Variants in ADIPOR1 observed in about 807,000 individuals in gnomAD.
ADIPOR1 encodes the protein adiponectin receptor protein 1.
In ADIPOR1, 15 loss-of-function variants were observed where a neutral mutation model predicts 37.5. The ratio of observed to expected loss-of-function variants is 0.40; its 90% CI spans 0.27 to 0.62. The LOEUF (loss-of-function observed/expected upper bound fraction) is 0.62. Among genes scored for constraint, ADIPOR1 ranks in the 20% least tolerant of loss-of-function variants. The pLI is 0.42. For synonymous variants in ADIPOR1, 173 were observed against 173.2 expected, an observed-to-expected ratio of 1.00 and a Z score of 0.01; for missense variants, 286 against 478.0, an observed-to-expected ratio of 0.60 and a Z score of 3.75.
At chr1:202,958,439 C>CGCCCTGCT (rs1423847149), upstream of ADIPOR1, 1 of 154,074 alleles carries the variant, frequency 6.5e-6, no homozygotes, top group African/African-American at 2.4e-5. Context: ...CCCCGGGCCC[C>CGCCCTGCT]GCCCTGCTGC....
At chr1:202,941,996 C>A (rs1397035690) in intron 7 of ADIPOR1, 29 bp downstream of exon 7, 1 of 1,592,490 alleles carries the variant, frequency 6.3e-7, no homozygotes, top group Non-Finnish European at 8.6e-7. Context: ...CTCACCATCA[C>A]AGGACCTGCT....
At chr1:202,947,144 A>G (rs1654363293) in intron 3 of ADIPOR1, among the ~76,000 whole-genome samples, 1 of 152,068 alleles carries the variant, frequency 6.6e-6, no homozygotes, top group Admixed American at 6.6e-5. Flanking sequence ...AAAAACAAAC[A>G]AACAAAAAAT....
chr1:202,941,472 T>G lies in ADIPOR1; in HGVS notation c.*101A>C. The stretch of plus-strand genomic sequence containing the variant: ...GGTACTGAATTCTCTAAGAGGTTTC[T>G]TCTAGAAACAGACAACTCAGACTCT... On this transcript the variant is annotated 3_prime_UTR_variant, in exon 8 of 8. Transcript: ENST00000340990. The G allele has an allele frequency of 6.9e-7, 1 of 1,440,342 alleles. No homozygotes were observed. The highest frequency in any genetic ancestry group is 9.3e-7 in the Non-Finnish European group (1 of 1,076,210). 89.2% of individuals were successfully genotyped at this position (1,440,342 alleles called of 1,614,324 possible). A position where few individuals can be genotyped will look rare whatever the true frequency, so the allele number is the denominator to read the frequency against.
intron 1 of ADIPOR1, among the ~76,000 whole-genome samples, chr1:202,952,800 T>C (rs1654631313): frequency 6.6e-6 from 1 of 152,216 alleles, no homozygotes; most frequent in African/African-American, 2.4e-5. Context: ...TCTCTATCCA[T>C]ATGTATGTAT....
intron 6 of ADIPOR1, 36 bp from the exon 7 acceptor site, chr1:202,942,254 A>C: frequency 6.4e-7 from 1 of 1,556,742 alleles, no homozygotes; most frequent in Non-Finnish European, 8.7e-7. Flanking sequence ...CAAACAAGGA[A>C]ACAGCCACCG....
At position 202,941,128 on chromosome 1, in the gene ADIPOR1, T is replaced by C. The variant is rs1013811804; in HGVS notation, c.*445A>G. The C allele has an allele frequency of 2.0e-5, 3 of 153,370 alleles. No individual in the cohort carries two copies. Among genetic ancestry groups the C allele is most frequent in the African/African-American group, 7.2e-5 (3 of 41,448 alleles). The allele number at this position is 153,370 out of a possible 1,614,324, so 9.5% of individuals were successfully genotyped here. Reference sequence around the variant, plus strand: ...AGATGGGACCAGGGTATATAATTGTTTTTGAAAAGTGTGCTACAAAAATGG... The same window carrying C: ...AGATGGGACCAGGGTATATAATTGTCTTTGAAAAGTGTGCTACAAAAATGG... On this transcript the variant is annotated 3_prime_UTR_variant, in exon 8 of 8. Coordinates refer to ENST00000340990, the MANE Select transcript of ADIPOR1 (RefSeq NM_015999.6).
intron 1 of ADIPOR1, among the ~76,000 whole-genome samples, chr1:202,956,230 C>G (rs1452887807): frequency 6.6e-6 from 1 of 152,148 alleles, no homozygotes; most frequent in Non-Finnish European, 1.5e-5. Flanking sequence ...CACAAAGCGT[C>G]TAGATATAAA....
Position 202,951,166 on chromosome 1 carries a change from T to C in ADIPOR1, c.-94-2A>G. Reference sequence around the variant, plus strand: ...GAGATCTCCCTCTGATGGTAGACACTAAAAGAAAATACAAACATGAAGGAT... The same window carrying C: ...GAGATCTCCCTCTGATGGTAGACACCAAAAGAAAATACAAACATGAAGGAT... On this transcript the variant is annotated splice_acceptor_variant, in intron 1 of 7. Transcript: ENST00000340990. LOFTEE classifies it low-confidence loss of function (5UTR_SPLICE). The C allele has an allele frequency of 1.4e-6, 2 of 1,414,346 alleles. No individual in the cohort carries two copies. The highest frequency in any genetic ancestry group is 2.5e-5 in the South Asian group (2 of 79,816). The allele number at this position is 1,414,346 out of a possible 1,614,324, so 87.6% of individuals were successfully genotyped here.
Position 202,941,298 on chromosome 1 carries a change from G to T in ADIPOR1, c.*275C>A. On this transcript the variant is annotated 3_prime_UTR_variant, in exon 8 of 8. Transcript: ENST00000340990. ...GGAGGAGAGGGTAAAATCTCAACAT[G>T]AGTTTCAAAGTACTGTCTCTGTGAG... The T allele has an allele frequency of 3.9e-6, 1 of 258,686 alleles. No individual in the cohort carries two copies. Among genetic ancestry groups the T allele is most frequent in the Non-Finnish European group, 7.3e-6 (1 of 137,462 alleles). 16.0% of individuals were successfully genotyped at this position (258,686 alleles called of 1,614,324 possible). A position where few individuals can be genotyped will look rare whatever the true frequency, so the allele number is the denominator to read the frequency against.
Position 202,946,467 on chromosome 1 carries a change from T to C in ADIPOR1, c.402A>G (p.Glu134=). The change falls in exon 4 of 8, where the codon GAA becomes GAG. Residue 134 remains glutamate, a synonymous_variant. Transcript: ENST00000340990. ...GCAGATGGGTCCAGATGTTGCCAGT[T>C]TCTGTATGAATGCGGAAGATGCTCT... is the stretch of plus-strand genomic sequence containing the variant. ...CFKSIFRIHT[E]TGNIWTHLLG... 2 of 1,614,014 alleles carry C rather than the reference T, an allele frequency of 1.2e-6. No individual in the cohort carries two copies. Among genetic ancestry groups the C allele is most frequent in the Non-Finnish European group, 1.7e-6 (2 of 1,180,012 alleles).
At chr1:202,949,183 G>T (rs1654455474) in intron 2 of ADIPOR1, among the ~76,000 whole-genome samples, 1 of 152,096 alleles carries the variant, frequency 6.6e-6, no homozygotes, top group South Asian at 2.1e-4. Flanking sequence ...CTCTAGGGAT[G>T]CTGTCATGAT....
rs540762954 is a variant in ADIPOR1, at chr1:202,943,840, G to T, written c.723C>A (p.Ile241=). 6.2e-7 allele frequency: 1 copy of T among 1,614,202 alleles called. No homozygotes were observed. Among genetic ancestry groups the T allele is most frequent in the Admixed American group, 1.7e-5 (1 of 60,032 alleles). The stretch of plus-strand genomic sequence containing the variant: ...TGGCAGAAATGCCCAGGACACAGAC[G>T]ATGGAGAGGTAGATGAGCCGTGGCT... ...SPQPRLIYLS[I]VCVLGISAII... is the part of the protein sequence containing the mutation. The change falls in exon 6 of 8, where the codon ATC becomes ATA. Residue 241 remains isoleucine, a synonymous_variant. Coordinates refer to ENST00000340990, the MANE Select transcript of ADIPOR1 (RefSeq NM_015999.6).
intron 1 of ADIPOR1, among the ~76,000 whole-genome samples, chr1:202,957,281 G>GT (rs755047351): frequency 5.3e-5 from 8 of 152,112 alleles, no homozygotes; most frequent in Non-Finnish European, 1.2e-4. Context: ...CATTTGTTTT[G>GT]TAGATGGCAG....
intron 3 of ADIPOR1, 52 bp from the exon 4 acceptor site, chr1:202,946,662 A>G (rs1558011924): frequency 4.4e-6 from 7 of 1,583,502 alleles, no homozygotes; most frequent in Non-Finnish European, 5.2e-6. Context: ...ACCTTCCCCA[A>G]GGACAAGCAG....
At chr1:202,944,960 C>T (rs899624873) in intron 5 of ADIPOR1, 23 bp downstream of exon 5, 4 of 1,598,834 alleles carry the variant, frequency 2.5e-6, no homozygotes, top group Admixed American at 1.7e-5. Flanking sequence ...ACAGTATTTT[C>T]CTATGGTGTT....
At chr1:202,942,346 G>T (rs1395199411) in intron 6 of ADIPOR1, 128 bp from the exon 7 acceptor site, 1 of 818,870 alleles carries the variant, frequency 1.2e-6, no homozygotes, top group Admixed American at 3.2e-5. Flanking sequence ...ACATGTTTAG[G>T]AAACTTAGCT....
chr1:202,950,860 A>C, intron 2 of ADIPOR1, 70 bp downstream of exon 2: 1 of 1,591,578 alleles, frequency 6.3e-7, no homozygotes, highest in Middle Eastern at 1.7e-4. Flanking sequence ...GAGCTCTTAA[A>C]AAAGAGAAAA....
intron 1 of ADIPOR1, among the ~76,000 whole-genome samples, chr1:202,952,704 G>C (rs1018381161): frequency 6.6e-6 from 1 of 152,138 alleles, no homozygotes; most frequent in East Asian, 1.9e-4. Flanking sequence ...ACCAGTTATG[G>C]ACTTTCCTCA....
chr1:202,946,085 A>C (rs1654303821), intron 4 of ADIPOR1, among the ~76,000 whole-genome samples: 1 of 151,976 alleles, frequency 6.6e-6, no homozygotes, highest in Non-Finnish European at 1.5e-5. Flanking sequence ...AATGTTTCAA[A>C]GAAAGTGGCA....
Sources: allele counts gnomAD v4.1 joint callset (sites outside exome capture counted in the v4.1 genomes callset), GRCh38; gene constraint gnomAD v4.1.1; transcripts MANE v1.5; gene names NCBI Gene and HGNC (gene_info 2026-07-23, HGNC 2026-07-21).